CD8A: variants seen among roughly 807,000 people sequenced by gnomAD.
The protein encoded by CD8A is T-cell surface glycoprotein CD8 alpha chain.
A neutral mutation model predicts 24.2 loss-of-function variants in CD8A; 25 were observed. The observed-to-expected ratio is 1.03, with a 90% CI of 0.75 to 1.44. CD8A has a LOEUF of 1.44. CD8A is among the 40% of genes most tolerant of loss of function. CD8A has a pLI of 0.00. For synonymous variants in CD8A, 165 were observed against 149.9 expected (o/e 1.10, Z -0.74); for missense variants, 360 against 319.7 (o/e 1.13, Z -0.96).
chr2:86,790,204 G>C (rs1673216454), intron 2 of CD8A, 124 bp downstream of exon 2: 3 of 757,538 alleles, frequency 4.0e-6, no homozygotes, highest in East Asian at 5.3e-5. Context: ...CTGTGAAATG[G>C]GAACAGTATC....
In CD8A at chr2:86,790,460, C is replaced by G; in HGVS notation, c.271G>C (p.Gly91Arg). The G allele has an allele frequency of 6.2e-7, 1 of 1,614,158 alleles. No homozygotes were observed. The highest frequency in any genetic ancestry group is 8.5e-7 in the Non-Finnish European group (1 of 1,180,022). Reference protein sequence around the residue: ...AEGLDTQRFSGKRLGDTFVLT... With the variant: ...AEGLDTQRFSRKRLGDTFVLT... ...ACGAAGGTGTCCCCCAACCTCTTGC[C>G]CGAGAACCGCTGGGTGTCCAGCCCC... Residue 91 changes from glycine to arginine, a missense_variant, in exon 2 of 6, where the codon GGC becomes CGC. Gly to Arg is a moderately radical substitution (Grantham distance 125). Transcript: ENST00000283635.
chr2:86,805,940 T>C (rs1413355564), intron 2 of CD8A, among the ~76,000 whole-genome samples: 1 of 151,530 alleles, frequency 6.6e-6, no homozygotes, highest in Non-Finnish European at 1.5e-5. Flanking sequence ...TCTCTCTCTC[T>C]CTTTCTTTTT....
At chr2:86,797,543 G>A (rs903657312) in intron 3 of CD8A, among the ~76,000 whole-genome samples, 1 of 152,166 alleles carries the variant, frequency 6.6e-6, no homozygotes, top group African/African-American at 2.4e-5. Flanking sequence ...TGGATGATAA[G>A]ATGAGGAGGA....
At chr2:86,784,607 G>A (rs755242802), downstream of CD8A, 3 of 358,228 alleles carry the variant, frequency 8.4e-6, no homozygotes, top group South Asian at 6.4e-5. Flanking sequence ...AACCAAAATC[G>A]GATGCTGTTT....
At chr2:86,796,355 A>G (rs990695150) in intron 3 of CD8A, among the ~76,000 whole-genome samples, 1 of 152,244 alleles carries the variant, frequency 6.6e-6, no homozygotes, top group African/African-American at 2.4e-5. Flanking sequence ...CAGATCAAAA[A>G]TACTCTTAGT....
upstream of CD8A, chr2:86,791,173 T>A: frequency 1.9e-6 from 1 of 524,250 alleles, no homozygotes; most frequent in Non-Finnish European, 3.5e-6. Flanking sequence ...ACAGAGTGGG[T>A]GAAGGGAGAC....
chr2:86,792,852 C>T (rs1223464872), upstream of CD8A, among the ~76,000 whole-genome samples: 3 of 151,262 alleles, frequency 2.0e-5, no homozygotes, highest in Non-Finnish European at 4.4e-5. Context: ...CTCCTTCCAG[C>T]TCCCTCAAAG....
chr2:86,804,874 C>T (rs1673792545), intron 2 of CD8A, among the ~76,000 whole-genome samples: 1 of 147,088 alleles, frequency 6.8e-6, no homozygotes, highest in Admixed American at 6.9e-5. Flanking sequence ...GCGATCTCAG[C>T]TCGCTGCAAG....
chr2:86,795,271 A>G (rs986588555), upstream of CD8A, among the ~76,000 whole-genome samples: 3 of 152,252 alleles, frequency 2.0e-5, no homozygotes, highest in Non-Finnish European at 4.4e-5. Flanking sequence ...GAAGTAGGGT[A>G]CAGCAGACCA....
At position 86,786,114 on chromosome 2, in the gene CD8A, T is replaced by C; in HGVS notation, c.657-143A>G. On this transcript the variant is annotated intron_variant, in intron 5 of 5. Coordinates refer to ENST00000283635, the MANE Select transcript of CD8A (RefSeq NM_001768.7). ...GGGCACCAGCATGGGACTGGGTGAA[T>C]GACGTCAGCACAGCACCCGTGCTAA... 4 of 765,422 alleles carry C rather than the reference T, an allele frequency of 5.2e-6. No homozygotes were observed. The South Asian group carries it at 5.5e-5, about 10-fold the overall frequency. 47.4% of individuals were successfully genotyped at this position (765,422 alleles called of 1,614,324 possible).
chr2:86,807,869 AG>A (rs1275453313), intron 1 of CD8A: 1 of 156,210 alleles, frequency 6.4e-6, no homozygotes, highest in Non-Finnish European at 1.4e-5. Context: ...GAAGGCAGGC[AG>A]GAGCAGGGCC....
chr2:86,805,405 C>T (rs149766736), intron 2 of CD8A, among the ~76,000 whole-genome samples: 4 of 152,282 alleles, frequency 2.6e-5, no homozygotes, highest in African/African-American at 9.6e-5. Flanking sequence ...GCTTTTGATA[C>T]ATTTTTCTCC....
At chr2:86,806,359 G>A (rs1035117913) in intron 2 of CD8A, among the ~76,000 whole-genome samples, 1 of 152,172 alleles carries the variant, frequency 6.6e-6, no homozygotes, top group Admixed American at 6.5e-5. Context: ...TAGAAGGAGA[G>A]GTGTGGACCT....
Position 86,790,507 on chromosome 2 carries a change from T to A in CD8A, c.224A>T (p.Gln75Leu), listed in dbSNP as rs1252346936. 2.5e-6 allele frequency: 4 copies of A among 1,613,876 alleles called. No individual in the cohort carries two copies. Among genetic ancestry groups the A allele is most frequent in the Non-Finnish European group, 3.4e-6 (4 of 1,180,012 alleles). ...ASPTFLLYLS[Q>L]NKPKAAEGLD... ...CCCCTCGGCCGCCTTGGGCTTGTTT[T>A]GGGAGAGGTATAGGAGGAAGGTGGG... Residue 75 changes from glutamine (Q) to leucine (L), a missense_variant, in exon 2 of 6, where the codon CAA becomes CTA. Coordinates refer to ENST00000283635, the MANE Select transcript of CD8A (RefSeq NM_001768.7).
chr2:86,805,264 T>C (rs140751369), intron 2 of CD8A, among the ~76,000 whole-genome samples: 260 of 152,332 alleles, frequency 1.7e-3, no homozygotes, highest in African/African-American at 6.1e-3. Flanking sequence ...TAAACTACAA[T>C]GGACATCCTT....
intron 2 of CD8A, among the ~76,000 whole-genome samples, chr2:86,790,015 A>G (rs1165674435): frequency 6.6e-6 from 1 of 152,180 alleles, no homozygotes; most frequent in African/African-American, 2.4e-5. Context: ...CTGAACCAGC[A>G]ACCCTGGAGC....
chr2:86,790,973 GC>G (rs1558736150), upstream of CD8A: 2 of 820,584 alleles, frequency 2.4e-6, no homozygotes, highest in African/African-American at 1.7e-5. Flanking sequence ...GTCACCCGAA[GC>G]CCCCGCCGAG....
chr2:86,791,794 A>G (rs973663799), upstream of CD8A: 4 of 394,200 alleles, frequency 1.0e-5, no homozygotes, highest in African/African-American at 8.3e-5. Flanking sequence ...GCTTGAAGTC[A>G]TTCAACCCCT....
intron 3 of CD8A, among the ~76,000 whole-genome samples, chr2:86,801,205 G>A (rs1251326105): frequency 6.6e-6 from 1 of 152,064 alleles, no homozygotes; most frequent in African/African-American, 2.4e-5. Flanking sequence ...AAACAGCCCT[G>A]GCAAACTAAT....
Sources: allele counts gnomAD v4.1 joint callset (sites outside exome capture counted in the v4.1 genomes callset), GRCh38; gene constraint gnomAD v4.1.1; transcripts MANE v1.5; gene names NCBI Gene and HGNC (gene_info 2026-07-23, HGNC 2026-07-21).